The following PPEF2 variants were observed in gnomAD, a reference collection of about 807,000 sequenced individuals.
PPEF2 encodes protein phosphatase with EF-hand domain 2.
PPEF2 carries 84 observed loss-of-function variants against 84.7 expected under a neutral mutation model. That is an observed-to-expected ratio of 0.99 (90% CI 0.83 to 1.19). The LOEUF is 1.19. PPEF2 is among the 50% of genes most tolerant of loss of function. PPEF2 has a pLI of 0.00. For missense variants in PPEF2, 924 were observed against 937.5 expected (o/e 0.99, Z 0.19); for synonymous variants, 346 against 345.2 (o/e 1.00, Z -0.03).
chr4:75,880,703 T>C (rs1724546034), intron 10 of PPEF2, among the ~76,000 whole-genome samples: 1 of 152,086 alleles, frequency 6.6e-6, no homozygotes, highest in Non-Finnish European at 1.5e-5. Context: ...CACTTATGCC[T>C]ACAATCCCAA....
At chr4:75,901,639 T>C (rs750575702) in intron 1 of PPEF2, among the ~76,000 whole-genome samples, 2 of 152,124 alleles carry the variant, frequency 1.3e-5, no homozygotes, top group Non-Finnish European at 1.5e-5. Context: ...GAGCCCGAGA[T>C]TGTTGAATCA....
At chr4:75,879,358 T>C (rs528013232) in intron 10 of PPEF2, among the ~76,000 whole-genome samples, 5 of 152,244 alleles carry the variant, frequency 3.3e-5, no homozygotes, top group Non-Finnish European at 5.9e-5. Flanking sequence ...TACTTTAACA[T>C]GGGCAAAATC....
At chr4:75,860,949 G>A in intron 16 of PPEF2, 29 bp from the exon 17 acceptor site, 1 of 1,605,536 alleles carries the variant, frequency 6.2e-7, no homozygotes, top group Non-Finnish European at 8.5e-7. Context: ...TCACTTCAGT[G>A]AGTTAGTCTA....
chr4:75,872,255 A>G, intron 12 of PPEF2, 88 bp from the exon 13 acceptor site: 2 of 1,281,258 alleles, frequency 1.6e-6, no homozygotes, highest in Non-Finnish European at 2.1e-6. Context: ...CAACTGCAGA[A>G]GCTGCTGTTT....
chr4:75,872,099 C>T lies in PPEF2; in HGVS notation c.1575G>A (p.Leu525=), dbSNP rs1724295841. ...VGSNRGAYVK[L]GPALTPHIVQ... ...CAATATGTGGGGTCAGGGCTGGCCCCAGTTTGACATAGGCCCCTCTGTTGC... is the reference window on the plus strand; with the variant it reads ...CAATATGTGGGGTCAGGGCTGGCCCTAGTTTGACATAGGCCCCTCTGTTGC... The change falls in exon 13 of 17, where the codon CTG becomes CTA. Residue 525 remains leucine, a synonymous_variant. Transcript: ENST00000286719. 1 of 1,613,748 alleles carries T rather than the reference C, an allele frequency of 6.2e-7. No individual in the cohort carries two copies. The highest frequency in any genetic ancestry group is 8.5e-7 in the Non-Finnish European group (1 of 1,179,832).
chr4:75,883,947 T>C (rs2149222737), intron 8 of PPEF2, among the ~76,000 whole-genome samples: 2 of 148,862 alleles, frequency 1.3e-5, no homozygotes, highest in Middle Eastern at 3.9e-3. Flanking sequence ...CTGACCAACA[T>C]GGTGAAACCC....
intron 11 of PPEF2, among the ~76,000 whole-genome samples, chr4:75,874,890 ATTTC>A (rs1289037922): frequency 2.0e-5 from 3 of 149,744 alleles, no homozygotes; most frequent in Non-Finnish European, 3.0e-5. Context: ...ATAATTCTGA[ATTTC>A]TTTCTTTCTT....
At chr4:75,891,193 G>A (rs78665835) in intron 4 of PPEF2, among the ~76,000 whole-genome samples, 5 of 138,978 alleles carry the variant, frequency 3.6e-5, no homozygotes, top group African/African-American at 1.5e-4. Flanking sequence ...AAAAAAAAAA[G>A]AAAAGAAAAG....
chr4:75,900,115 A>G (rs2149232264), intron 1 of PPEF2, among the ~76,000 whole-genome samples: 1 of 152,222 alleles, frequency 6.6e-6, no homozygotes, highest in East Asian at 1.9e-4. Flanking sequence ...ATCAACAACC[A>G]AAAATATGTT....
At chr4:75,877,884 T>C (rs1335068955) in intron 10 of PPEF2, among the ~76,000 whole-genome samples, 1 of 152,200 alleles carries the variant, frequency 6.6e-6, no homozygotes, top group Non-Finnish European at 1.5e-5. Flanking sequence ...AACACTAACC[T>C]AGTTCATCGT....
intron 13 of PPEF2, among the ~76,000 whole-genome samples, chr4:75,869,279 T>A (rs1724208897): frequency 6.6e-6 from 1 of 152,160 alleles, no homozygotes; most frequent in Admixed American, 6.5e-5. Context: ...TGTCCCTACG[T>A]CAAGTAACAC....
At chr4:75,898,311 T>C (rs1725052795) in intron 1 of PPEF2, among the ~76,000 whole-genome samples, 1 of 152,240 alleles carries the variant, frequency 6.6e-6, no homozygotes, top group African/African-American at 2.4e-5. Context: ...CGGCCAGATT[T>C]TGGGGGGCTT....
chr4:75,890,014 G>A lies in PPEF2; in HGVS notation c.360C>T (p.Ser120=), dbSNP rs867947826. 1 of 1,614,160 alleles carries A rather than the reference G, an allele frequency of 6.2e-7. No homozygotes were observed. Among genetic ancestry groups the A allele is most frequent in the Non-Finnish European group, 8.5e-7 (1 of 1,180,028 alleles). The change falls in exon 5 of 17, where the codon TCC becomes TCT. Residue 120 remains serine (S), a synonymous_variant. Transcript: ENST00000286719. Reference sequence around the variant, plus strand: ...TTGCATGGTCAGGCAGGAGTGGGAAGGAGAGGCGTGGCCCCGTGTAACTGT... The same window carrying A: ...TTGCATGGTCAGGCAGGAGTGGGAAAGAGAGGCGTGGCCCCGTGTAACTGT... The part of the protein sequence containing the change: ...VPDSYTGPRL[S]FPLLPDHATA...
Position 75,873,286 on chromosome 4 carries a change from G to A in PPEF2, c.1347C>T (p.Pro449=). The change falls in exon 12 of 17, where the codon CCC becomes CCT. Residue 449 remains proline (P), a synonymous_variant. Coordinates refer to ENST00000286719, the MANE Select transcript of PPEF2 (RefSeq NM_006239.3). ...TGGCCTTGCAGCCCTCTTGAGCCAT[G>A]GGATCACTCCACAGGATATCTACAA... ...RQVVDILWSD[P]MAQEGCKANT... 2 of 1,613,854 alleles carry A rather than the reference G, an allele frequency of 1.2e-6. No homozygotes were observed. The highest frequency in any genetic ancestry group is 1.7e-6 in the Non-Finnish European group (2 of 1,179,954).
At chr4:75,875,194 T>C (rs1416457822) in intron 11 of PPEF2, among the ~76,000 whole-genome samples, 1 of 152,122 alleles carries the variant, frequency 6.6e-6, no homozygotes, top group Non-Finnish European at 1.5e-5. Flanking sequence ...CATGAGCCAC[T>C]GCGCCCGGCT....
At chr4:75,899,001 C>T (rs1725066216) in intron 1 of PPEF2, among the ~76,000 whole-genome samples, 1 of 152,176 alleles carries the variant, frequency 6.6e-6, no homozygotes, top group African/African-American at 2.4e-5. Flanking sequence ...CAACTTTCCT[C>T]ATCTCCTGCT....
chr4:75,874,912 T>TC (rs1724371556), intron 11 of PPEF2, among the ~76,000 whole-genome samples: 1 of 150,994 alleles, frequency 6.6e-6, no homozygotes, highest in Admixed American at 6.6e-5. Flanking sequence ...CTTTTTTTTT[T>TC]TTTTTTTGAG....
At chr4:75,868,637 A>G (rs1214534501) in intron 13 of PPEF2, among the ~76,000 whole-genome samples, 1 of 151,980 alleles carries the variant, frequency 6.6e-6, no homozygotes, top group Admixed American at 6.6e-5. Flanking sequence ...TCGAGGCTGC[A>G]GTGAGCCAAG....
rs754611033 is a variant in PPEF2, at chr4:75,883,121, A to C, written c.783+45T>G. The C allele has an allele frequency of 1.9e-6, 3 of 1,613,570 alleles. No individual in the cohort carries two copies. The South Asian group carries it at 3.3e-5, about 18-fold the overall frequency. On this transcript the variant is annotated intron_variant, in intron 9 of 16. Coordinates refer to ENST00000286719, the MANE Select transcript of PPEF2 (RefSeq NM_006239.3). ...AAAATGTTATCAAATAATTCACTCAACTTATCTGAACTGAGAGAAACTTTT... is the reference window on the plus strand; with the variant it reads ...AAAATGTTATCAAATAATTCACTCACCTTATCTGAACTGAGAGAAACTTTT...
Sources: gnomAD v4.1 joint callset for allele counts (sites outside exome capture counted in the v4.1 genomes callset) on GRCh38, gnomAD v4.1.1 for gene constraint, MANE v1.5 for transcripts, NCBI Gene and HGNC (gene_info 2026-07-23, HGNC 2026-07-21) for gene names.